The following STRN3 variants were observed in gnomAD, a reference collection of about 807,000 sequenced individuals.
STRN3 encodes the protein striatin-3.
A neutral mutation model predicts 95.6 loss-of-function variants in STRN3; 29 were observed. The ratio of observed to expected loss-of-function variants is 0.30; its 90% CI spans 0.23 to 0.41. The LOEUF (loss-of-function observed/expected upper bound fraction) is 0.41, where lower values mean the gene tolerates loss of function less well. STRN3 is among the 10% of genes least tolerant of loss of function. The probability of loss-of-function intolerance (pLI) is 1.00; values close to 1 mark genes in which losing one functional copy is unlikely to be tolerated. For synonymous variants in STRN3, 331 were observed against 357.6 expected, an observed-to-expected ratio of 0.93 and a Z score of 0.84; for missense variants, 890 against 972.1, an observed-to-expected ratio of 0.92 and a Z score of 1.12.
chr14:30,967,369 A>G (rs1228327804), intron 1 of STRN3, among the ~76,000 whole-genome samples: 4 of 152,170 alleles, frequency 2.6e-5, no homozygotes, highest in Non-Finnish European at 5.9e-5. Context: ...AAACAGAGAA[A>G]GAGAAAAATA....
Position 30,905,546 on chromosome 14 carries a change from G to A in STRN3, c.1901C>T (p.Pro634Leu). 6.2e-7 allele frequency: 1 copy of A among 1,600,518 alleles called. No individual in the cohort carries two copies. The highest frequency in any genetic ancestry group is 8.5e-7 in the Non-Finnish European group (1 of 1,175,322). The change falls in exon 15 of 18, where the codon CCT becomes CTT. Residue 634 changes from proline to leucine, a missense_variant. By Grantham distance (98) the Pro-to-Leu change is moderately conservative. This residue lies in a region of STRN3 where 357 missense variants were observed against 422.8 expected (regional missense o/e 0.84). Transcript: ENST00000357479. ...ACAGCCTATAAAGTCAACTGATGTA[G>A]GTATTCCATGCTCTGAAATGAGCCC... ...TYNGDKKHGI[P>L]TSVDFIGCDP...
At chr14:30,942,546 T>TA (rs1052671596) in intron 5 of STRN3, among the ~76,000 whole-genome samples, 3 of 152,010 alleles carry the variant, frequency 2.0e-5, no homozygotes, top group Admixed American at 6.6e-5. Context: ...CAAACACGGT[T>TA]AAAAAAAGAG....
chr14:31,008,162 G>C (rs1196842621), intron 1 of STRN3, among the ~76,000 whole-genome samples: 2 of 151,900 alleles, frequency 1.3e-5, no homozygotes, highest in Non-Finnish European at 2.9e-5. Context: ...TTGCACTCTA[G>C]CCTAGGCAAC....
intron 8 of STRN3, among the ~76,000 whole-genome samples, chr14:30,921,252 C>T (rs1230316757): frequency 1.3e-5 from 2 of 151,974 alleles, no homozygotes; most frequent in Non-Finnish European, 2.9e-5. Flanking sequence ...TAAATACTAC[C>T]TTGTAAATAA....
chr14:30,925,190 G>A (rs1417824729), intron 8 of STRN3, among the ~76,000 whole-genome samples: 1 of 150,896 alleles, frequency 6.6e-6, no homozygotes, highest in Non-Finnish European at 1.5e-5. Context: ...TCCAAGACAA[G>A]GCTGTCACTT....
chr14:30,994,006 T>C (rs938655706), intron 1 of STRN3, among the ~76,000 whole-genome samples: 2 of 151,922 alleles, frequency 1.3e-5, no homozygotes, highest in Admixed American at 1.3e-4. Context: ...GCCTCCCAAG[T>C]AGCTGGGAAT....
chr14:30,992,463 G>A (rs1325877715), intron 1 of STRN3, among the ~76,000 whole-genome samples: 1 of 150,046 alleles, frequency 6.7e-6, no homozygotes, highest in Non-Finnish European at 1.5e-5. Context: ...CTGTTGCCCA[G>A]GCTGGTCTCA....
At chr14:30,987,141 AAAG>A in intron 1 of STRN3, among the ~76,000 whole-genome samples, 1 of 152,206 alleles carries the variant, frequency 6.6e-6, no homozygotes, top group East Asian at 1.9e-4. Flanking sequence ...CTGAGGATAT[AAAG>A]AACAGTAAAA....
intron 8 of STRN3, among the ~76,000 whole-genome samples, chr14:30,927,931 A>AAAT (rs1878271177): frequency 3.1e-5 from 1 of 32,630 alleles, no homozygotes; most frequent in Admixed American, 2.1e-4. Flanking sequence ...AGACTCCGTC[A>AAAT]AAAAAAAAAA....
At position 30,895,655 on chromosome 14, in the gene STRN3, G is replaced by C. The variant is rs1345296571; in HGVS notation, c.2224+7C>G. 6.2e-7 allele frequency: 1 copy of C among 1,612,532 alleles called. No individual in the cohort carries two copies. The highest frequency in any genetic ancestry group is 2.2e-5 in the East Asian group (1 of 44,862). ...GTTTGTGGGCAGTACAGGACTTTAAGACTTACTTCCAGACATCAAATAGAT... is the reference window on the plus strand; with the variant it reads ...GTTTGTGGGCAGTACAGGACTTTAACACTTACTTCCAGACATCAAATAGAT... On this transcript the variant is annotated splice_region_variant and intron_variant, in intron 17 of 17. Transcript: ENST00000357479.
chr14:30,978,745 T>C (rs917651989), intron 1 of STRN3, among the ~76,000 whole-genome samples: 1 of 152,026 alleles, frequency 6.6e-6, no homozygotes, highest in Non-Finnish European at 1.5e-5. Flanking sequence ...AAAGAAGCAA[T>C]TATAAAGCTA....
At chr14:31,023,711 G>A (rs1246856109) in intron 1 of STRN3, among the ~76,000 whole-genome samples, 2 of 151,662 alleles carry the variant, frequency 1.3e-5, no homozygotes, top group African/African-American at 2.4e-5. Context: ...CCACAAATAT[G>A]TATTCAACAC....
At position 30,905,420 on chromosome 14, in the gene STRN3, G is replaced by A; in HGVS notation, c.2027C>T (p.Ser676Phe). The A allele has an allele frequency of 3.1e-6, 5 of 1,596,402 alleles. No homozygotes were observed. The highest frequency in any genetic ancestry group is 4.3e-6 in the Non-Finnish European group (5 of 1,173,896). ...AAAGAAACTCCATGAAAACTTACCA[G>A]AATCTACCTGTGATGAAAGTATCAC... Reference protein sequence around the residue: ...SLVILSSQVDSGLQSNNHINR... With the variant: ...SLVILSSQVDFGLQSNNHINR... The change falls in exon 15 of 18, where the codon TCT becomes TTT. Residue 676 changes from serine to phenylalanine, a missense_variant and splice_region_variant. Coordinates refer to ENST00000357479, the MANE Select transcript of STRN3 (RefSeq NM_001083893.2).
chr14:30,946,267 G>T (rs1376702813), intron 5 of STRN3, among the ~76,000 whole-genome samples: 1 of 152,186 alleles, frequency 6.6e-6, no homozygotes, highest in Non-Finnish European at 1.5e-5. Context: ...AACAGGTTGG[G>T]TACGGTGGCT....
rs897462584 is a variant in STRN3, at chr14:30,936,376, T to C, written c.846+119A>G. On this transcript the variant is annotated intron_variant, in intron 6 of 17. Coordinates refer to ENST00000357479, the MANE Select transcript of STRN3 (RefSeq NM_001083893.2). ...AAAAGAGCTGACCACATAAAACTTT[T>C]AACCAATATGTAAAGTAAAGATGAT... The C allele has an allele frequency of 3.0e-5, 36 of 1,205,464 alleles. No homozygotes were observed. In the South Asian group the frequency reaches 5.4e-4, roughly 18 times the overall value. The allele number at this position is 1,205,464 out of a possible 1,614,324, so 74.7% of individuals were successfully genotyped here. A position where few individuals can be genotyped will look rare whatever the true frequency, so the allele number is the denominator to read the frequency against.
In STRN3 at chr14:30,994,824, T is replaced by C. The variant is rs190044200; in HGVS notation, c.282+31080A>G. Among the ~76,000 whole-genome samples, 353 of 152,338 alleles carry C rather than the reference T, an allele frequency of 2.3e-3. 1 individual carries two copies. Among genetic ancestry groups the C allele is most frequent in the African/African-American group, 8.3e-3 (347 of 41,580 alleles). ...CTTAGTTTCAATTATGCGACATTAA[T>C]GCCACATATTACAAAATAATTTGGT... On this transcript the variant is annotated intron_variant, in intron 1 of 17. Coordinates refer to ENST00000357479, the MANE Select transcript of STRN3 (RefSeq NM_001083893.2).
chr14:31,021,858 G>T (rs1883523257), intron 1 of STRN3, among the ~76,000 whole-genome samples: 1 of 152,176 alleles, frequency 6.6e-6, no homozygotes, highest in South Asian at 2.1e-4. Context: ...ACAGAGTGGG[G>T]TTAATGGGTA....
rs774199995 is a variant in STRN3 at position 30,911,781 on chromosome 14, G to A, written c.1594C>T (p.His532Tyr). The A allele has an allele frequency of 6.2e-7, 1 of 1,604,926 alleles. No homozygotes were observed. The highest frequency in any genetic ancestry group is 8.5e-7 in the Non-Finnish European group (1 of 1,176,360). ...TACCAATTCAGTAAAACTTACATGT[G>A]GGCCCTAAATGTGTAGATAGGCTCT... ...DVEPIYTFRAHIGPVLSLAIS... is the reference protein window; with the variant it reads ...DVEPIYTFRAYIGPVLSLAIS... Residue 532 changes from histidine to tyrosine, a missense_variant, in exon 12 of 18, where the codon CAC becomes TAC. His to Tyr is a moderately conservative substitution (Grantham distance 83, BLOSUM62 2). This residue lies in a region of STRN3 where 357 missense variants were observed against 422.8 expected (regional missense o/e 0.84). Transcript: ENST00000357479.
intron 1 of STRN3, among the ~76,000 whole-genome samples, chr14:30,966,390 T>C (rs1311927990): frequency 3.9e-5 from 6 of 152,164 alleles, no homozygotes; most frequent in Non-Finnish European, 7.3e-5. Context: ...ACTTTACATA[T>C]AACAATGTGG....
Sources: allele counts gnomAD v4.1 joint callset (sites outside exome capture counted in the v4.1 genomes callset), GRCh38; gene constraint gnomAD v4.1.1; regional missense constraint gnomAD v4.1.1; transcripts MANE v1.5; gene names NCBI Gene and HGNC (gene_info 2026-07-23, HGNC 2026-07-21).